Variants in NDUFAF7 observed in about 807,000 individuals in gnomAD.
The protein encoded by NDUFAF7 is NADH:ubiquinone oxidoreductase complex assembly factor 7.
A neutral mutation model predicts 47.2 loss-of-function variants in NDUFAF7; 48 were observed. That is an observed-to-expected ratio of 1.02 (90% CI 0.81 to 1.29). NDUFAF7 has a LOEUF of 1.29. NDUFAF7 is among the 50% of genes most tolerant of loss of function. NDUFAF7 has a pLI of 0.00. For missense variants in NDUFAF7, 635 were observed against 537.6 expected (o/e 1.18, Z -1.79); for synonymous variants, 217 against 190.0 (o/e 1.14, Z -1.17).
At chr2:37,256,128 A>C (rs1176235495), downstream of NDUFAF7, among the ~76,000 whole-genome samples, 1 of 152,256 alleles carries the variant, frequency 6.6e-6, no homozygotes, top group East Asian at 1.9e-4. Context: ...GGGGTCCTCG[A>C]ATTTTAATAG....
At position 37,236,156 on chromosome 2, in the gene NDUFAF7, A is replaced by T. The variant is rs772455039; in HGVS notation, c.277A>T (p.Ile93Leu). ...AGGAGATTTCATTACTTCACCTGAA[A>T]TAAGTCAAATCTTTGGGGAGGTAAT... ...EKGDFITSPE[I>L]SQIFGELLGI... The change falls in exon 3 of 10, where the codon ATA becomes TTA. Residue 93 changes from isoleucine to leucine, a missense_variant. By Grantham distance (5) the Ile-to-Leu change is conservative (BLOSUM62 2). Coordinates refer to ENST00000002125, the MANE Select transcript of NDUFAF7 (RefSeq NM_144736.5). 4 of 1,611,714 alleles carry T rather than the reference A, an allele frequency of 2.5e-6. No individual in the cohort carries two copies. In the South Asian group the frequency reaches 4.4e-5, roughly 18 times the overall value.
downstream of NDUFAF7, among the ~76,000 whole-genome samples, chr2:37,255,249 T>TAA (rs1273917861): frequency 6.6e-6 from 1 of 152,248 alleles, no homozygotes; most frequent in Non-Finnish European, 1.5e-5. Flanking sequence ...ATGTTGTTCT[T>TAA]AAACTTTTCC....
the NDUFAF7 span, among the ~76,000 whole-genome samples, chr2:37,266,605 G>A: frequency 6.6e-6 from 1 of 151,970 alleles, no homozygotes; most frequent in Non-Finnish European, 1.5e-5. Flanking sequence ...TCCTGCCTCA[G>A]CCTCCTGAGT....
Position 37,243,967 on chromosome 2 carries a change from C to T in NDUFAF7, c.786C>T (p.Phe262=), listed in dbSNP as rs1302441798. 1.2e-6 allele frequency: 2 copies of T among 1,607,788 alleles called. No individual in the cohort carries two copies. The highest frequency in any genetic ancestry group is 1.7e-5 in the Admixed American group (1 of 59,926). Reference sequence around the variant, plus strand: ...CTTCTGCCACCCCAGCAGAAGCCTTCATACAAGTAAGAATATGCTTTTTTA... The same window carrying T: ...CTTCTGCCACCCCAGCAGAAGCCTTTATACAAGTAAGAATATGCTTTTTTA... The part of the protein sequence containing the change: ...LAPSATPAEA[F]IQHDETRDHV... Residue 262 remains phenylalanine, a synonymous_variant, in exon 7 of 10, where the codon TTC becomes TTT. Transcript: ENST00000002125.
chr2:37,243,328 G>A (rs997318317), intron 6 of NDUFAF7, among the ~76,000 whole-genome samples: 2 of 152,066 alleles, frequency 1.3e-5, no homozygotes, highest in Non-Finnish European at 2.9e-5. Context: ...GCACGTGCCT[G>A]TACTTCCCAG....
downstream of NDUFAF7, chr2:37,250,439 G>A (rs932852688): frequency 6.6e-6 from 1 of 152,058 alleles, no homozygotes; most frequent in African/African-American, 2.4e-5. Flanking sequence ...TGGATAATTT[G>A]GTGGTAGTTT....
At chr2:37,256,465 C>G (rs187310183), downstream of NDUFAF7, among the ~76,000 whole-genome samples, 1 of 152,106 alleles carries the variant, frequency 6.6e-6, no homozygotes, top group Non-Finnish European at 1.5e-5. Flanking sequence ...TGCCTGGGAA[C>G]TATACAGAAG....
At chr2:37,265,310 A>G in the NDUFAF7 span, among the ~76,000 whole-genome samples, 1 of 152,226 alleles carries the variant, frequency 6.6e-6, no homozygotes, top group South Asian at 2.1e-4. Context: ...TGTGATGCTC[A>G]CATAACTAAA....
At chr2:37,256,569 G>A, downstream of NDUFAF7, 1 of 1,369,360 alleles carries the variant, frequency 7.3e-7, no homozygotes, top group East Asian at 2.5e-5. Flanking sequence ...AAGATAAGTT[G>A]CAAGAGACAG....
the NDUFAF7 span, chr2:37,267,580 G>A: frequency 5.2e-6 from 7 of 1,351,810 alleles, no homozygotes; most frequent in Non-Finnish European, 7.4e-6. Flanking sequence ...CAAACTGACA[G>A]CTTTATTAGG....
chr2:37,254,556 T>G (rs1667782946), downstream of NDUFAF7, among the ~76,000 whole-genome samples: 1 of 152,108 alleles, frequency 6.6e-6, no homozygotes, highest in Non-Finnish European at 1.5e-5. Flanking sequence ...TGGGCTGAAG[T>G]CTGGTTCTGC....
downstream of NDUFAF7, among the ~76,000 whole-genome samples, chr2:37,257,786 G>GTGT (rs1415241374): frequency 3.9e-5 from 6 of 151,928 alleles, no homozygotes; most frequent in Non-Finnish European, 8.8e-5. Flanking sequence ...TAAAACTGAG[G>GTGT]TGTATTAAAG....
intron 8 of NDUFAF7, among the ~76,000 whole-genome samples, chr2:37,246,984 G>A (rs965614980): frequency 6.6e-6 from 1 of 152,098 alleles, no homozygotes; most frequent in Non-Finnish European, 1.5e-5. Flanking sequence ...GGGTACGAGT[G>A]AGCCTGTCAC....
At chr2:37,242,985 A>T (rs1374181415) in intron 6 of NDUFAF7, among the ~76,000 whole-genome samples, 3 of 152,154 alleles carry the variant, frequency 2.0e-5, no homozygotes, top group African/African-American at 4.8e-5. Flanking sequence ...GATTTACTTA[A>T]GCAAAAAAAA....
Position 37,241,582 on chromosome 2 carries a change from TC to T in NDUFAF7, c.414del (p.Phe138LeufsTer8), listed in dbSNP as rs1168445452. 6.2e-7 allele frequency: 1 copy of T among 1,612,968 alleles called. No homozygotes were observed. Among genetic ancestry groups the T allele is most frequent in the Admixed American group, 1.7e-5 (1 of 59,940 alleles). ...GTLVGDILRV[F>X]TQLGSVLKNC... ...TTTTCTTCTTTTGGTATTTAGGTGT[TC>T]ACTCAACTTGGATCTGTGCTGAAAA... On this transcript the variant is annotated frameshift_variant, in exon 5 of 10. Coordinates refer to ENST00000002125, the MANE Select transcript of NDUFAF7 (RefSeq NM_144736.5). LOFTEE classifies it high-confidence loss of function.
At chr2:37,234,999 A>G (rs1405371636) in intron 2 of NDUFAF7, among the ~76,000 whole-genome samples, 1 of 152,260 alleles carries the variant, frequency 6.6e-6, no homozygotes, top group Non-Finnish European at 1.5e-5. Flanking sequence ...AAGGTTAGGC[A>G]TCGTGCTAAA....
chr2:37,263,095 T>C, the NDUFAF7 span, among the ~76,000 whole-genome samples: 49 of 152,304 alleles, frequency 3.2e-4, no homozygotes, highest in East Asian at 9.1e-3. Flanking sequence ...GTTTATTTTA[T>C]TGTTCATTCT....
At chr2:37,256,654 T>TAAC, downstream of NDUFAF7, 1 of 1,377,262 alleles carries the variant, frequency 7.3e-7, no homozygotes, top group Non-Finnish European at 9.4e-7. Context: ...TTTTTTTTTT[T>TAAC]TTTTTACCTT....
the NDUFAF7 span, among the ~76,000 whole-genome samples, chr2:37,262,904 C>G: frequency 1.1e-4 from 17 of 149,364 alleles, no homozygotes; most frequent in East Asian, 1.5e-3. Flanking sequence ...TTCCCCCCCC[C>G]GTATTTGTGG....
Sources: allele counts gnomAD v4.1 joint callset (sites outside exome capture counted in the v4.1 genomes callset), GRCh38; gene constraint gnomAD v4.1.1; transcripts MANE v1.5; gene names NCBI Gene and HGNC (gene_info 2026-07-23, HGNC 2026-07-21).